BCL2L14: variants seen among roughly 807,000 people sequenced by gnomAD.
BCL2L14 encodes apoptosis facilitator Bcl-2-like protein 14.
Under a neutral mutation model 35.3 loss-of-function variants are expected in BCL2L14, and 27 were observed. The ratio of observed to expected loss-of-function variants is 0.76; its 90% CI spans 0.56 to 1.05. BCL2L14 has a LOEUF of 1.05. BCL2L14 is among the 50% of genes least tolerant of loss of function. The pLI, the probability that BCL2L14 is intolerant of heterozygous loss-of-function variation, is 0.00. For synonymous variants in BCL2L14, 139 were observed against 145.9 expected (o/e 0.95, Z 0.34); for missense variants, 377 against 382.6 (o/e 0.99, Z 0.12).
intron 4 of BCL2L14, among the ~76,000 whole-genome samples, chr12:12,093,650 G>A (rs1368840174): frequency 5.3e-5 from 8 of 151,828 alleles, no homozygotes; most frequent in African/African-American, 9.7e-5. Context: ...AAAATTAGCC[G>A]GGTGTGGTGG....
chr12:12,062,978 G>C (rs1007643129), intron 2 of BCL2L14, among the ~76,000 whole-genome samples: 2 of 152,258 alleles, frequency 1.3e-5, no homozygotes, highest in Admixed American at 6.5e-5. Context: ...TACCACTTTC[G>C]CTTCTCAGAA....
At chr12:12,072,947 C>T (rs773338134) in intron 1 of BCL2L14, among the ~76,000 whole-genome samples, 3 of 151,832 alleles carry the variant, frequency 2.0e-5, no homozygotes, top group Admixed American at 6.6e-5. Flanking sequence ...AGTGCACTGG[C>T]GCGATCATAG....
At chr12:12,058,197 CCGCCTCGGCCTCCCAAAGTG>C (rs1296990158) in intron 2 of BCL2L14, among the ~76,000 whole-genome samples, 2 of 150,476 alleles carry the variant, frequency 1.3e-5, no homozygotes, top group African/African-American at 4.9e-5. Flanking sequence ...GGTGATCTGC[CCGCCTCGGCCTCCCAAAGTG>C]CTGGGATTAC....
chr12:12,062,324 T>C (rs1948538294), intron 2 of BCL2L14, among the ~76,000 whole-genome samples: 2 of 145,192 alleles, frequency 1.4e-5, no homozygotes. Context: ...TTTCCCCATA[T>C]TTCCTTCTTT....
chr12:12,097,673 T>C (rs1949344839), intron 5 of BCL2L14, among the ~76,000 whole-genome samples: 1 of 152,240 alleles, frequency 6.6e-6, no homozygotes, highest in Admixed American at 6.5e-5. Context: ...GTGAATTTTA[T>C]AGCATAATTA....
At chr12:12,070,179 C>A (rs568354391), upstream of BCL2L14, among the ~76,000 whole-genome samples, 67 of 152,258 alleles carry the variant, frequency 4.4e-4, no homozygotes, top group African/African-American at 1.5e-3. Context: ...TGCTTAGATT[C>A]CTTTTTGAAC....
upstream of BCL2L14, chr12:12,070,828 T>C (rs1252206121): frequency 6.6e-6 from 1 of 152,168 alleles, no homozygotes; most frequent in Non-Finnish European, 1.5e-5. Context: ...TGCTAGGTAA[T>C]GGATATAGAA....
At chr12:12,082,471 G>C (rs574866679) in intron 2 of BCL2L14, among the ~76,000 whole-genome samples, 2 of 152,226 alleles carry the variant, frequency 1.3e-5, no homozygotes, top group Non-Finnish European at 2.9e-5. Flanking sequence ...AGCAGACAGA[G>C]AAAGCTTTTA....
At chr12:12,056,347 CT>C (rs2136708749) in intron 2 of BCL2L14, among the ~76,000 whole-genome samples, 2 of 152,318 alleles carry the variant, frequency 1.3e-5, no homozygotes, top group South Asian at 4.1e-4. Context: ...TATCCAAGAG[CT>C]TCCTTTTTAG....
Position 12,087,264 on chromosome 12 carries a change from A to T in BCL2L14, c.485A>T (p.Tyr162Phe), listed in dbSNP as rs1690364525. The change falls in exon 3 of 6, where the codon TAC becomes TTC. Residue 162 changes from tyrosine (Y) to phenylalanine (F), a missense_variant. By Grantham distance (22) the Tyr-to-Phe change is conservative. Transcript: ENST00000308721. The part of the protein sequence containing the change: ...SIANRVAEIV[Y>F]SWPPPQATQA... ...GCCAACCGAGTAGCTGAAATTGTTTACTCCTGGCCACCACCACAAGCGACC... is the reference window on the plus strand; with the variant it reads ...GCCAACCGAGTAGCTGAAATTGTTTTCTCCTGGCCACCACCACAAGCGACC... 6.2e-7 allele frequency: 1 copy of T among 1,613,942 alleles called. No homozygotes were observed. Among genetic ancestry groups the T allele is most frequent in the Non-Finnish European group, 8.5e-7 (1 of 1,180,012 alleles).
In BCL2L14 at chr12:12,083,004, A is replaced by C. The variant is rs12314662; in HGVS notation, c.433+3266A>C. Among the ~76,000 whole-genome samples, 896 of 152,116 alleles carry C rather than the reference A, an allele frequency of 5.9e-3. 13 individuals are homozygous for C. Among genetic ancestry groups the C allele is most frequent in the African/African-American group, 0.021 (853 of 41,492 alleles). On this transcript the variant is annotated intron_variant, in intron 2 of 5. Coordinates refer to ENST00000308721, the MANE Select transcript of BCL2L14 (RefSeq NM_138723.2). ...TTTTGAGACAGAGTCTTGCTCTGTCACCCAGGCTGGAGTGCAGTGGCCTGA... is the reference window on the plus strand; with the variant it reads ...TTTTGAGACAGAGTCTTGCTCTGTCCCCCAGGCTGGAGTGCAGTGGCCTGA...
At chr12:12,067,412 G>T (rs147288931), upstream of BCL2L14, among the ~76,000 whole-genome samples, 1 of 152,028 alleles carries the variant, frequency 6.6e-6, no homozygotes, top group African/African-American at 2.4e-5. Flanking sequence ...TGAGCCAGGC[G>T]TGGTGGCACA....
At chr12:12,089,414 G>A (rs1442378352) in intron 3 of BCL2L14, among the ~76,000 whole-genome samples, 2 of 150,662 alleles carry the variant, frequency 1.3e-5, no homozygotes, top group African/African-American at 4.9e-5. Context: ...ATTTTGCCAA[G>A]CCTGGGCACG....
At position 12,099,304 on chromosome 12, in the gene BCL2L14, T is replaced by A; in HGVS notation, c.*316T>A. 9.0e-6 allele frequency: 3 copies of A among 334,762 alleles called. No homozygotes were observed. The highest frequency in any genetic ancestry group is 1.1e-5 in the Non-Finnish European group (2 of 182,332). 20.7% of individuals were successfully genotyped at this position (334,762 alleles called of 1,614,324 possible). A position where few individuals can be genotyped will look rare whatever the true frequency, so the allele number is the denominator to read the frequency against. ...ATCATCCTGCCTTTGTTAGCTGCTG[T>A]AGGGAAAGTGCGTTACAGATGTCTG... On this transcript the variant is annotated 3_prime_UTR_variant, in exon 6 of 6. Transcript: ENST00000308721.
chr12:12,067,377 C>A (rs534459270), upstream of BCL2L14, among the ~76,000 whole-genome samples: 3 of 152,158 alleles, frequency 2.0e-5, no homozygotes, highest in South Asian at 4.2e-4. Flanking sequence ...ATAGTGAAAC[C>A]CCGTCTTTAT....
At chr12:12,068,097 C>T (rs1948615081), upstream of BCL2L14, 3 of 397,846 alleles carry the variant, frequency 7.5e-6, no homozygotes, top group Non-Finnish European at 1.3e-5. Context: ...GTGTGCTCCA[C>T]CACGCCCAGC....
intron 5 of BCL2L14, 27 bp downstream of exon 5, chr12:12,094,957 T>C (rs1949283719): frequency 3.1e-6 from 5 of 1,601,082 alleles, no homozygotes; most frequent in Non-Finnish European, 4.2e-6. Context: ...TAAAAACAAA[T>C]TTTCTCAGAA....
chr12:12,055,995 C>T (rs1404393850), intron 2 of BCL2L14, among the ~76,000 whole-genome samples: 1 of 152,154 alleles, frequency 6.6e-6, no homozygotes, highest in African/African-American at 2.4e-5. Flanking sequence ...CATCCCTCAT[C>T]ATCCCCGAGG....
chr12:12,077,025 G>A (rs1178391538), intron 1 of BCL2L14, among the ~76,000 whole-genome samples: 1 of 152,102 alleles, frequency 6.6e-6, no homozygotes, highest in African/African-American at 2.4e-5. Flanking sequence ...CAACTTGTCT[G>A]TACCACCTCA....
Sources: allele counts gnomAD v4.1 joint callset (sites outside exome capture counted in the v4.1 genomes callset), GRCh38; gene constraint gnomAD v4.1.1; transcripts MANE v1.5; gene names NCBI Gene and HGNC (gene_info 2026-07-23, HGNC 2026-07-21).